Variants in RPL7 observed in about 807,000 individuals in gnomAD.
RPL7 encodes large ribosomal subunit protein uL30.
For missense variants in RPL7, 205 were observed against 301.9 expected, an observed-to-expected ratio of 0.68 and a Z score of 2.38; for synonymous variants, 100 against 102.2, an observed-to-expected ratio of 0.98 and a Z score of 0.13.
At chr8:73,293,431 C>G in intron 1 of RPL7, 168 bp downstream of exon 1, 1 of 790,838 alleles carries the variant, frequency 1.3e-6, no homozygotes, top group Non-Finnish European at 2.0e-6. Flanking sequence ...TAAGACCGCC[C>G]GCATCCCAAC....
chr8:73,291,811 A>C lies in RPL7; in HGVS notation c.390T>G (p.Ile130Met), dbSNP rs766329971. The change falls in exon 4 of 7, where the codon ATT becomes ATG. Residue 130 changes from isoleucine to methionine, a missense_variant. By Grantham distance (10) the Ile-to-Met change is conservative (BLOSUM62 1). Coordinates refer to ENST00000352983, the MANE Select transcript of RPL7 (RefSeq NM_000971.4). The stretch of plus-strand genomic sequence containing the variant: ...ATGGCTCTACAATCCTCAGCATGTT[A>C]ATCGAAGCCTTGTTGAGCTTCACAA... ...GTFVKLNKAS[I>M]NMLRIVEPYI... 15 of 1,611,398 alleles carry C rather than the reference A, an allele frequency of 9.3e-6. 1 individual carries two copies. Among genetic ancestry groups the C allele is most frequent in the Non-Finnish European group, 1.3e-5 (15 of 1,177,604 alleles).
intron 1 of RPL7, 87 bp from the exon 2 acceptor site, chr8:73,292,884 G>C: frequency 1.1e-6 from 1 of 949,548 alleles, no homozygotes; most frequent in Non-Finnish European, 1.6e-6. Context: ...TTGTTTACCA[G>C]AAATGCTGTC....
intron 1 of RPL7, chr8:73,293,160 T>C (rs1160520127): frequency 4.1e-6 from 1 of 243,478 alleles, no homozygotes; most frequent in Non-Finnish European, 7.7e-6. Context: ...CCCCGAGACT[T>C]TAAGCGCAAA....
intron 5 of RPL7, 125 bp from the exon 6 acceptor site, chr8:73,291,377 G>T: frequency 1.2e-6 from 1 of 863,156 alleles, no homozygotes. Flanking sequence ...TAAATGCATG[G>T]CTTTACAAAG....
chr8:73,291,337 A>G, intron 5 of RPL7, 85 bp from the exon 6 acceptor site: 2 of 1,119,272 alleles, frequency 1.8e-6, no homozygotes, highest in East Asian at 5.1e-5. Flanking sequence ...ATAGGCTGTG[A>G]GATGAAAACA....
Position 73,290,842 on chromosome 8 carries a change from A to G in RPL7, c.*2-137T>C, listed in dbSNP as rs148653620. The G allele has an allele frequency of 3.5e-3, 1,942 of 561,994 alleles. 2 individuals carry two copies. The highest frequency in any genetic ancestry group is 4.6e-3 in the Non-Finnish European group (1,446 of 311,852). 34.8% of individuals were successfully genotyped at this position (561,994 alleles called of 1,614,324 possible). On this transcript the variant is annotated intron_variant, in intron 6 of 6. Coordinates refer to ENST00000352983, the MANE Select transcript of RPL7 (RefSeq NM_000971.4). ...TCCATCTTTAAAGACTCCCCAAAACAGGCTTTTCCTTTCCTCCAGAAAGGT... is the reference window on the plus strand; with the variant it reads ...TCCATCTTTAAAGACTCCCCAAAACGGGCTTTTCCTTTCCTCCAGAAAGGT...
At position 73,290,390 on chromosome 8, in the gene RPL7, A is replaced by C. The variant is rs1361138900; in HGVS notation, c.*317T>G. On this transcript the variant is annotated 3_prime_UTR_variant, in exon 7 of 7. Transcript: ENST00000352983. ...CAAATCATGTACAAATGCTTGTGAA[A>C]CAGGCTTTCTTAGAATAAACCCATT... 6.6e-6 allele frequency: 1 copy of C among 152,214 alleles called. No individual in the cohort carries two copies. The highest frequency in any genetic ancestry group is 6.5e-5 in the Admixed American group (1 of 15,290). 9.4% of individuals were successfully genotyped at this position (152,214 alleles called of 1,614,324 possible). A position where few individuals can be genotyped will look rare whatever the true frequency, so the allele number is the denominator to read the frequency against.
rs1437724335 is a variant in RPL7, at chr8:73,290,291, C to T, written c.*416G>A. 6.6e-6 allele frequency: 1 copy of T among 152,060 alleles called. No homozygotes were observed. Among genetic ancestry groups the T allele is most frequent in the Non-Finnish European group, 1.5e-5 (1 of 68,014 alleles). The allele number at this position is 152,060 out of a possible 1,614,324, so 9.4% of individuals were successfully genotyped here. On this transcript the variant is annotated 3_prime_UTR_variant, in exon 7 of 7. Coordinates refer to ENST00000352983, the MANE Select transcript of RPL7 (RefSeq NM_000971.4). The stretch of plus-strand genomic sequence containing the variant: ...ATTTACATGGCAGTTTATAAACAAG[C>T]GAAGGCCCGAGAAATAAATTTTAGC...
chr8:73,291,401 T>C (rs1814091962), intron 5 of RPL7, 149 bp from the exon 6 acceptor site: 3 of 846,168 alleles, frequency 3.5e-6, no homozygotes, highest in Non-Finnish European at 5.5e-6. Flanking sequence ...AGGTTCAAGC[T>C]AATGAAACCA....
chr8:73,292,033 T>C, intron 3 of RPL7, 123 bp from the exon 4 acceptor site: 2 of 1,322,532 alleles, frequency 1.5e-6, no homozygotes, highest in Non-Finnish European at 2.1e-6. Context: ...TGTTACACAC[T>C]GAATTTCTGT....
chr8:73,291,332 CTG>C (rs1814089727), intron 5 of RPL7, 80 bp from the exon 6 acceptor site: 10 of 1,173,512 alleles, frequency 8.5e-6, no homozygotes, highest in Admixed American at 2.3e-5. Context: ...TTTGAATAGG[CTG>C]TGAGATGAAA....
intron 6 of RPL7, 150 bp downstream of exon 6, chr8:73,290,893 T>C (rs1208094708): frequency 3.1e-6 from 2 of 648,242 alleles, no homozygotes; most frequent in African/African-American, 3.7e-5. Context: ...ACAAACCAAC[T>C]GTAATCATTA....
In RPL7 at chr8:73,291,764, G is replaced by T. The variant is rs761402110; in HGVS notation, c.428+9C>A. On this transcript the variant is annotated intron_variant, in intron 4 of 6. Coordinates refer to ENST00000352983, the MANE Select transcript of RPL7 (RefSeq NM_000971.4). ...ATCAAATAGAAATCAAAGGAGAAAA[G>T]AGACTTACCCCCATGCAATATATGG... is the stretch of plus-strand genomic sequence containing the variant. 7.1e-5 allele frequency: 113 copies of T among 1,597,744 alleles called. No homozygotes were observed. The East Asian group carries it at 2.5e-3, about 35-fold the overall frequency.
chr8:73,292,931 C>G (rs1191372071), intron 1 of RPL7, 134 bp from the exon 2 acceptor site: 1 of 626,390 alleles, frequency 1.6e-6, no homozygotes, highest in Non-Finnish European at 2.8e-6. Flanking sequence ...CTTGCTCTGG[C>G]ATGCTACAGT....
At chr8:73,290,764 AC>A (rs1319232101) in intron 6 of RPL7, 59 bp from the exon 7 acceptor site, 1 of 354,370 alleles carries the variant, frequency 2.8e-6, no homozygotes, top group Non-Finnish European at 5.1e-6. Flanking sequence ...ATTAACATAA[AC>A]TAGGCAGTTA....
rs892727387 is a variant in RPL7, at chr8:73,290,313, T to C, written c.*394A>G. On this transcript the variant is annotated 3_prime_UTR_variant, in exon 7 of 7. Transcript: ENST00000352983. Reference sequence around the variant, plus strand: ...AAGCGAAGGCCCGAGAAATAAATTTTAGCAACTAAATTCAATTTTTTCCAT... The same window carrying C: ...AAGCGAAGGCCCGAGAAATAAATTTCAGCAACTAAATTCAATTTTTTCCAT... 1.3e-5 allele frequency: 2 copies of C among 152,248 alleles called. No individual in the cohort carries two copies. Among genetic ancestry groups the C allele is most frequent in the Admixed American group, 1.3e-4 (2 of 15,288 alleles). The allele number at this position is 152,248 out of a possible 1,614,324, so 9.4% of individuals were successfully genotyped here.
intron 1 of RPL7, 73 bp from the exon 2 acceptor site, chr8:73,292,870 A>G: frequency 6.4e-6 from 7 of 1,095,678 alleles, no homozygotes; most frequent in Non-Finnish European, 9.4e-6. Flanking sequence ...CGTACTGAGC[A>G]GTGTTGTTTA....
At chr8:73,293,103 C>A (rs1814145741) in intron 1 of RPL7, 2 of 300,550 alleles carry the variant, frequency 6.7e-6, no homozygotes, top group African/African-American at 2.2e-5. Flanking sequence ...CACACCAACA[C>A]CCGAATAACA....
chr8:73,291,055 T>C lies in RPL7; in HGVS notation c.736A>G (p.Arg246Gly). The C allele has an allele frequency of 6.2e-7, 1 of 1,608,776 alleles. No individual in the cohort carries two copies. The highest frequency in any genetic ancestry group is 1.7e-5 in the Admixed American group (1 of 60,020). The stretch of plus-strand genomic sequence containing the variant: ...TGAGGTCTCTCACCTTAGTTCATTC[T>C]TCTAATAAGCCTGTTGATCTGGTCC... ...REDQINRLIR[R>G]MN is the part of the protein sequence containing the mutation. Residue 246 changes from arginine (R) to glycine (G), a missense_variant, in exon 6 of 7, where the codon AGA becomes GGA. Transcript: ENST00000352983.
Sources: allele counts gnomAD v4.1 joint callset, GRCh38; gene constraint gnomAD v4.1.1; transcripts MANE v1.5; gene names NCBI Gene and HGNC (gene_info 2026-07-23, HGNC 2026-07-21).